The following STK3 variants were observed in gnomAD, a reference collection of about 807,000 sequenced individuals.
STK3 encodes the protein serine/threonine-protein kinase 3.
STK3 carries 41 observed loss-of-function variants against 58.0 expected under a neutral mutation model. That is an observed-to-expected ratio of 0.71 (90% CI 0.55 to 0.92). The LOEUF is 0.92. STK3 is among the 40% of genes least tolerant of loss of function. The pLI, the probability that STK3 is intolerant of heterozygous loss-of-function variation, is 0.00. For synonymous variants in STK3, 170 were observed against 191.0 expected (o/e 0.89, Z 0.91); for missense variants, 479 against 602.7 (o/e 0.79, Z 2.15).
intron 4 of STK3, among the ~76,000 whole-genome samples, chr8:98,738,749 G>C (rs1828867315): frequency 1.3e-5 from 2 of 152,200 alleles, no homozygotes; most frequent in African/African-American, 4.8e-5. Context: ...CAGGACAGTG[G>C]GTGCAGCGCA....
chr8:98,824,518 G>T (rs1044026272), intron 1 of STK3, among the ~76,000 whole-genome samples: 1 of 152,172 alleles, frequency 6.6e-6, no homozygotes, highest in African/African-American at 2.4e-5. Context: ...TAGAATGCAG[G>T]TAACTTACAA....
At chr8:98,764,313 T>C (rs1830811589) in intron 3 of STK3, among the ~76,000 whole-genome samples, 1 of 152,218 alleles carries the variant, frequency 6.6e-6, no homozygotes. Flanking sequence ...GTTCCCTCAA[T>C]CTGTAATGCT....
At chr8:98,530,082 T>C (rs1826057476) in intron 9 of STK3, among the ~76,000 whole-genome samples, 1 of 152,204 alleles carries the variant, frequency 6.6e-6, no homozygotes, top group Non-Finnish European at 1.5e-5. Flanking sequence ...ATAATGTAAG[T>C]CACATAAATT....
chr8:98,895,636 C>A (rs1838416270), intron 1 of STK3, among the ~76,000 whole-genome samples: 1 of 152,142 alleles, frequency 6.6e-6, no homozygotes, highest in South Asian at 2.1e-4. Context: ...AGGCAGCCAT[C>A]CTCCAACATG....
intron 9 of STK3, among the ~76,000 whole-genome samples, chr8:98,546,829 C>T (rs1381610913): frequency 1.3e-5 from 2 of 152,094 alleles, no homozygotes; most frequent in Non-Finnish European, 2.9e-5. Flanking sequence ...AGGATTATGG[C>T]AATATAGCAA....
Position 98,424,880 on chromosome 8 carries a change from G to A in STK3, n.483+9247C>T, listed in dbSNP as rs116197596. 4.8e-3 allele frequency among the ~76,000 whole-genome samples: 733 copies of A among 152,350 alleles called. 10 individuals carry two copies. Among genetic ancestry groups the A allele is most frequent in the African/African-American group, 0.017 (697 of 41,574 alleles). On this transcript the variant is annotated intron_variant and non_coding_transcript_variant, in intron 3 of 3. Coordinates refer to the STK3 transcript ENST00000517832. ...GTGGCAGAAGCCACAGAAGGGGGCT[G>A]TGAGCTCTGGAGGGGCCGGAAGGCA...
chr8:98,604,498 C>T (rs1816616279), intron 6 of STK3, among the ~76,000 whole-genome samples: 1 of 152,174 alleles, frequency 6.6e-6, no homozygotes. Flanking sequence ...TCTCACAGCT[C>T]CACCAGGCAG....
At chr8:98,767,752 T>G (rs1831037654) in intron 2 of STK3, among the ~76,000 whole-genome samples, 1 of 152,114 alleles carries the variant, frequency 6.6e-6, no homozygotes, top group Non-Finnish European at 1.5e-5. Flanking sequence ...TCAAGGAAAA[T>G]GACCCCCAGA....
chr8:98,755,355 TATG>T (rs1247824977), intron 3 of STK3, among the ~76,000 whole-genome samples: 1 of 152,180 alleles, frequency 6.6e-6, no homozygotes, highest in African/African-American at 2.4e-5. Context: ...CACAAATAAA[TATG>T]ATTACTAACC....
At chr8:98,586,741 T>G (rs1325242496) in intron 7 of STK3, among the ~76,000 whole-genome samples, 1 of 152,174 alleles carries the variant, frequency 6.6e-6, no homozygotes, top group African/African-American at 2.4e-5. Flanking sequence ...CTCTTTTTGG[T>G]TGGTAAGCTA....
intron 3 of STK3, among the ~76,000 whole-genome samples, chr8:98,759,723 A>T (rs1444192599): frequency 6.6e-6 from 1 of 152,216 alleles, no homozygotes; most frequent in East Asian, 1.9e-4. Flanking sequence ...AGCAATGCAG[A>T]AAGTTTTAAT....
intron 1 of STK3, among the ~76,000 whole-genome samples, chr8:98,801,801 T>C (rs1477122776): frequency 6.6e-6 from 1 of 152,212 alleles, no homozygotes; most frequent in Non-Finnish European, 1.5e-5. Context: ...CCTTTTTTTT[T>C]TCAGTGACAT....
chr8:98,704,286 T>C (rs997278808), intron 6 of STK3, among the ~76,000 whole-genome samples: 8 of 152,182 alleles, frequency 5.3e-5, no homozygotes, highest in Non-Finnish European at 7.3e-5. Context: ...TCTCAACAGC[T>C]TCCAATACTT....
chr8:98,577,296 G>A (rs1813488195), intron 8 of STK3, among the ~76,000 whole-genome samples: 3 of 152,096 alleles, frequency 2.0e-5, no homozygotes, highest in Admixed American at 2.0e-4. Flanking sequence ...AGACTAGCCT[G>A]ACCAATATGA....
intron 1 of STK3, among the ~76,000 whole-genome samples, chr8:98,821,484 C>G (rs1366750172): frequency 6.6e-6 from 1 of 150,870 alleles, no homozygotes; most frequent in African/African-American, 2.4e-5. Context: ...CATGGCAAGA[C>G]CTCATCTCTA....
intron 1 of STK3, among the ~76,000 whole-genome samples, chr8:98,901,759 T>C (rs1369183541): frequency 6.6e-6 from 1 of 152,236 alleles, no homozygotes; most frequent in African/African-American, 2.4e-5. Flanking sequence ...GCTTTCTGTG[T>C]TCCGTGAGAG....
At chr8:98,915,311 C>T (rs1369212761) in intron 1 of STK3, among the ~76,000 whole-genome samples, 2 of 151,666 alleles carry the variant, frequency 1.3e-5, no homozygotes, top group East Asian at 3.9e-4. Flanking sequence ...TTCCTGCCCT[C>T]GAACATCGGA....
At chr8:98,502,664 T>C (rs878949570) in intron 10 of STK3, among the ~76,000 whole-genome samples, 1 of 152,232 alleles carries the variant, frequency 6.6e-6, no homozygotes, top group African/African-American at 2.4e-5. Context: ...GAGATAATCA[T>C]GTGGTTTTTG....
chr8:98,892,113 C>T (rs960418805), intron 1 of STK3, among the ~76,000 whole-genome samples: 2 of 152,176 alleles, frequency 1.3e-5, no homozygotes, highest in African/African-American at 4.8e-5. Context: ...GTCACGGATG[C>T]CTGCAATTCT....
Sources: allele counts gnomAD v4.1 joint callset (sites outside exome capture counted in the v4.1 genomes callset), GRCh38; gene constraint gnomAD v4.1.1; transcripts MANE v1.5; gene names NCBI Gene and HGNC (gene_info 2026-07-23, HGNC 2026-07-21).